Variants in PPFIA2 observed in about 807,000 individuals in gnomAD.
PPFIA2 encodes liprin-alpha-2.
In PPFIA2, 46 loss-of-function variants were observed where a neutral mutation model predicts 175.5. That is an observed-to-expected ratio of 0.26 (90% CI 0.21 to 0.34). The LOEUF is 0.34. Among genes scored for constraint, PPFIA2 ranks in the 10% least tolerant of loss-of-function variants. PPFIA2 has a pLI of 1.00. For synonymous variants in PPFIA2, 568 were observed against 511.4 expected, an observed-to-expected ratio of 1.11 and a Z score of -1.49; for missense variants, 1,179 against 1,506.1, an observed-to-expected ratio of 0.78 and a Z score of 3.60.
At position 81,567,748 on chromosome 12, in the gene PPFIA2, T is replaced by C. The variant is rs949799540; in HGVS notation, c.303+109043A>G. 3.3e-5 allele frequency among the ~76,000 whole-genome samples: 5 copies of C among 151,984 alleles called. No individual in the cohort carries two copies. In the East Asian group the frequency reaches 5.8e-4, roughly 18 times the overall value. On this transcript the variant is annotated intron_variant, in intron 4 of 32. Transcript: ENST00000549396. ...TGGGACCCTCCCATTCCAGGGCTTA[T>C]GTGTCTCTTCATTTGGCTGGTCCTG... is the stretch of plus-strand genomic sequence containing the variant.
intron 7 of PPFIA2, among the ~76,000 whole-genome samples, chr12:81,425,375 C>T (rs1267913250): frequency 2.0e-5 from 3 of 152,132 alleles, no homozygotes; most frequent in Non-Finnish European, 2.9e-5. Context: ...GATGAAGCCT[C>T]ACTCTGTCAC....
At chr12:81,361,678 T>C (rs556812833) in intron 15 of PPFIA2, among the ~76,000 whole-genome samples, 68 of 151,748 alleles carry the variant, frequency 4.5e-4, no homozygotes, top group African/African-American at 1.6e-3. Context: ...CTATAATATA[T>C]CTTGAGAGCA....
intron 3 of PPFIA2, among the ~76,000 whole-genome samples, chr12:81,723,647 C>CA (rs1164951736): frequency 6.6e-6 from 1 of 151,122 alleles, no homozygotes; most frequent in East Asian, 2.0e-4. Flanking sequence ...TTATAGAACA[C>CA]AATTATCTAT....
intron 8 of PPFIA2, among the ~76,000 whole-genome samples, chr12:81,388,944 A>G (rs541261699): frequency 6.6e-6 from 1 of 151,702 alleles, no homozygotes; most frequent in South Asian, 2.1e-4. Flanking sequence ...CCAAGCATCC[A>G]CACACCATTA....
intron 9 of PPFIA2, among the ~76,000 whole-genome samples, chr12:81,379,338 A>G (rs1353194568): frequency 6.6e-6 from 1 of 152,194 alleles, no homozygotes; most frequent in Non-Finnish European, 1.5e-5. Flanking sequence ...TATTTAATAA[A>G]TATAACTCTC....
chr12:81,579,870 C>T (rs1053109642), intron 4 of PPFIA2, among the ~76,000 whole-genome samples: 1 of 151,820 alleles, frequency 6.6e-6, no homozygotes, highest in Non-Finnish European at 1.5e-5. Context: ...AATGCTAATT[C>T]ATTTTCTCCT....
chr12:81,531,192 T>C (rs1188544486), intron 4 of PPFIA2, among the ~76,000 whole-genome samples: 1 of 151,900 alleles, frequency 6.6e-6, no homozygotes. Flanking sequence ...GTAAATCAAA[T>C]TGGCATAAAT....
chr12:81,655,239 C>T (rs1340196317), intron 4 of PPFIA2, among the ~76,000 whole-genome samples: 1 of 151,698 alleles, frequency 6.6e-6, no homozygotes, highest in Non-Finnish European at 1.5e-5. Context: ...TGTTAATTTT[C>T]CCCCAAAAAT....
intron 4 of PPFIA2, among the ~76,000 whole-genome samples, chr12:81,525,419 G>T (rs1385442011): frequency 6.6e-6 from 1 of 152,114 alleles, no homozygotes; most frequent in African/African-American, 2.4e-5. Flanking sequence ...TTTGAAAAAA[G>T]ATATGAAGCA....
intron 4 of PPFIA2, among the ~76,000 whole-genome samples, chr12:81,473,813 A>T (rs1392344317): frequency 6.6e-6 from 1 of 152,242 alleles, no homozygotes; most frequent in African/African-American, 2.4e-5. Context: ...TTATATCAAT[A>T]AATTACATTA....
At chr12:81,317,682 T>C (rs2139437651) in intron 22 of PPFIA2, among the ~76,000 whole-genome samples, 1 of 151,788 alleles carries the variant, frequency 6.6e-6, no homozygotes, top group South Asian at 2.1e-4. Flanking sequence ...GGTTTTCTTC[T>C]TTATCCTAGA....
chr12:81,312,101 G>GAA, intron 22 of PPFIA2: 3 of 1,475,002 alleles, frequency 2.0e-6, no homozygotes, highest in Non-Finnish European at 2.7e-6. Context: ...TCTGAAAAAA[G>GAA]AAAAAAAAAG....
chr12:81,524,533 A>G (rs954784389), intron 4 of PPFIA2, among the ~76,000 whole-genome samples: 12 of 152,084 alleles, frequency 7.9e-5, no homozygotes, highest in Non-Finnish European at 1.6e-4. Flanking sequence ...CTGTCCCACC[A>G]TTATATTTTG....
At chr12:81,379,675 A>C (rs1319276305) in intron 9 of PPFIA2, among the ~76,000 whole-genome samples, 1 of 152,192 alleles carries the variant, frequency 6.6e-6, no homozygotes, top group East Asian at 1.9e-4. Flanking sequence ...GTCTAGCTTT[A>C]ATCCAACTCA....
intron 4 of PPFIA2, among the ~76,000 whole-genome samples, chr12:81,653,930 C>T (rs1383359329): frequency 6.6e-6 from 1 of 151,718 alleles, no homozygotes; most frequent in African/African-American, 2.4e-5. Flanking sequence ...TGAATACATA[C>T]TAAATATAGA....
intron 2 of PPFIA2, among the ~76,000 whole-genome samples, chr12:81,757,387 T>A (rs1056396372): frequency 1.3e-5 from 2 of 152,202 alleles, no homozygotes; most frequent in Non-Finnish European, 2.9e-5. Flanking sequence ...ATTTGCTTTT[T>A]CATCATTCCC....
intron 23 of PPFIA2, among the ~76,000 whole-genome samples, chr12:81,296,048 G>A (rs943909051): frequency 1.2e-4 from 19 of 152,038 alleles, no homozygotes; most frequent in Non-Finnish European, 2.6e-4. Flanking sequence ...GCTCACGCCT[G>A]TAATCCTAGC....
rs576437466 is a variant in PPFIA2 at position 81,562,451 on chromosome 12, C to T, written c.304-104585G>A. On this transcript the variant is annotated intron_variant, in intron 4 of 32. Coordinates refer to ENST00000549396, the MANE Select transcript of PPFIA2 (RefSeq NM_003625.5). ...TCTACAGATAGTCACAGAGAAAACA[C>T]TATTAGGGGAAAACATTGAAAACTT... Among the ~76,000 whole-genome samples the T allele has an allele frequency of 3.9e-3, 595 of 152,108 alleles. 4 individuals carry two copies. Among genetic ancestry groups the T allele is most frequent in the African/African-American group, 0.013 (558 of 41,474 alleles).
At chr12:81,359,729 A>T (rs530615956) in intron 15 of PPFIA2, among the ~76,000 whole-genome samples, 2 of 151,938 alleles carry the variant, frequency 1.3e-5, no homozygotes, top group South Asian at 4.1e-4. Flanking sequence ...ATCAGGGTGA[A>T]GTTTCTAACA....
Sources: allele counts gnomAD v4.1 joint callset (sites outside exome capture counted in the v4.1 genomes callset), GRCh38; gene constraint gnomAD v4.1.1; transcripts MANE v1.5; gene names NCBI Gene and HGNC (gene_info 2026-07-23, HGNC 2026-07-21).